TACR2: variants seen among roughly 807,000 people sequenced by gnomAD.
TACR2 encodes the protein tachykinin receptor 2, also known as substance-K receptor.
In TACR2, 24 loss-of-function variants were observed where a neutral mutation model predicts 28.9. That is an observed-to-expected ratio of 0.83 (90% CI 0.60 to 1.17). The LOEUF is 1.17. Ranked by LOEUF, TACR2 falls within the 50% of genes most tolerant of loss-of-function variation. TACR2 has a pLI of 0.00. For synonymous variants in TACR2, 222 were observed against 212.6 expected (o/e 1.04, Z -0.38); for missense variants, 487 against 524.4 (o/e 0.93, Z 0.70).
chr10:69,415,273 T>G, intron 1 of TACR2, 134 bp from the exon 2 acceptor site: 2 of 1,010,412 alleles, frequency 2.0e-6, no homozygotes, highest in Non-Finnish European at 2.8e-6. Context: ...GCTGATATCA[T>G]AGTATCAGCC....
chr10:69,409,010 C>T lies in TACR2; in HGVS notation c.653G>A (p.Ser218Asn). ...LPLAVMFVAY[S>N]VIGLTLWRRA... is the part of the protein sequence containing the mutation. ...CCTCCAGAGCGTGAGGCCGATGACG[C>T]TGTAGGCTACAAACATCACCGCGAG... Residue 218 changes from serine (S) to asparagine (N), a missense_variant, in exon 3 of 5, where the codon AGC becomes AAC. Physicochemically the swap from Ser to Asn is conservative, Grantham distance 46 (BLOSUM62 1). Coordinates refer to ENST00000373306, the MANE Select transcript of TACR2 (RefSeq NM_001057.3). The T allele has an allele frequency of 6.2e-7, 1 of 1,608,116 alleles. No homozygotes were observed.
chr10:69,409,063 C>A lies in TACR2; in HGVS notation c.600G>T (p.Val200=). The change falls in exon 3 of 5, where the codon GTG becomes GTT. Residue 200 remains valine, a synonymous_variant. Coordinates refer to ENST00000373306, the MANE Select transcript of TACR2 (RefSeq NM_001057.3). ...GGKTLLLYHL[V]VIALIYFLPL... ...GCAGGAAGTAGATGAGGGCGATCACCACGAGGTGGTACCTGCAGGGAGAGC... is the reference window on the plus strand; with the variant it reads ...GCAGGAAGTAGATGAGGGCGATCACAACGAGGTGGTACCTGCAGGGAGAGC... 1 of 1,603,734 alleles carries A rather than the reference C, an allele frequency of 6.2e-7. No individual in the cohort carries two copies. The highest frequency in any genetic ancestry group is 8.5e-7 in the Non-Finnish European group (1 of 1,177,036).
intron 3 of TACR2, among the ~76,000 whole-genome samples, chr10:69,407,949 T>G (rs1840518507): frequency 6.6e-6 from 1 of 152,214 alleles, no homozygotes; most frequent in African/African-American, 2.4e-5. Context: ...GGGCACCAGA[T>G]GGCGCCCATG....
At chr10:69,409,890 C>CAT (rs1390944288) in intron 2 of TACR2, among the ~76,000 whole-genome samples, 14,119 of 31,796 alleles carry the variant, frequency 0.44, 1,526 homozygotes, top group Non-Finnish European at 0.49. Flanking sequence ...TACATATATA[C>CAT]ATATATATAT....
chr10:69,412,975 C>A (rs1407531644), intron 2 of TACR2, among the ~76,000 whole-genome samples: 1 of 152,154 alleles, frequency 6.6e-6, no homozygotes, highest in Non-Finnish European at 1.5e-5. Context: ...GGATTACAGG[C>A]ACCCACCATC....
rs1314558216 is a variant in TACR2, at chr10:69,416,039, G to T, written c.285C>A (p.Ser95Arg). 6.2e-7 allele frequency: 1 copy of T among 1,614,246 alleles called. No individual in the cohort carries two copies. Among genetic ancestry groups the T allele is most frequent in the South Asian group, 1.1e-5 (1 of 91,086 alleles). Reference sequence around the variant, plus strand: ...CACGGCCAAAGTACCAGATGTTGTGGCTGGCATAGACAAAGTTGAAGGCGG... The same window carrying T: ...CACGGCCAAAGTACCAGATGTTGTGTCTGGCATAGACAAAGTTGAAGGCGG... The part of the protein sequence containing the change: ...FNAAFNFVYA[S>R]HNIWYFGRAF... Residue 95 changes from serine (S) to arginine (R), a missense_variant, in exon 1 of 5, where the codon AGC becomes AGA. Ser to Arg is a moderately radical substitution (Grantham distance 110). Coordinates refer to ENST00000373306, the MANE Select transcript of TACR2 (RefSeq NM_001057.3).
At chr10:69,410,382 G>A (rs1261152685) in intron 2 of TACR2, among the ~76,000 whole-genome samples, 3 of 151,984 alleles carry the variant, frequency 2.0e-5, no homozygotes, top group South Asian at 2.1e-4. Flanking sequence ...TTAGCCAGGC[G>A]TAATGGGGCA....
chr10:69,407,015 A>T, intron 4 of TACR2, 69 bp downstream of exon 4: 2 of 1,519,290 alleles, frequency 1.3e-6, no homozygotes, highest in African/African-American at 1.4e-5. Context: ...TGAGCTGTGC[A>T]GGGGAGCCCA....
At position 69,416,299 on chromosome 10, in the gene TACR2, C is replaced by T. The variant is rs1254931553; in HGVS notation, c.25G>A (p.Glu9Lys). MGTCDIVT[E>K]ANISSGPESN... Reference sequence around the variant, plus strand: ...TCAGGGCCAGATGAGATATTGGCTTCAGTCACAATGTCACAGGTCCCCATG... The same window carrying T: ...TCAGGGCCAGATGAGATATTGGCTTTAGTCACAATGTCACAGGTCCCCATG... Residue 9 changes from glutamate (E) to lysine (K), a missense_variant, in exon 1 of 5, where the codon GAA (glutamate) becomes AAA (lysine). Coordinates refer to ENST00000373306, the MANE Select transcript of TACR2 (RefSeq NM_001057.3). The T allele has an allele frequency of 3.1e-6, 5 of 1,599,646 alleles. No individual in the cohort carries two copies. In the African/African-American group the frequency reaches 5.4e-5, roughly 17 times the overall value.
rs751148262 is a variant in TACR2 at position 69,415,979 on chromosome 10, T to TGTGATGGGGAAGAG, written c.331_344dup (p.Ala116SerfsTer14). The TGTGATGGGGAAGAG allele has an allele frequency of 1.9e-5, 30 of 1,614,008 alleles. No homozygotes were observed. The highest frequency in any genetic ancestry group is 2.5e-5 in the Non-Finnish European group (30 of 1,180,012). On this transcript the variant is annotated frameshift_variant, in exon 1 of 5. Transcript: ENST00000373306. LOFTEE classifies it high-confidence loss of function. ...TGGAGTAGATGCTGACAAACATGGC[T>TGTGATGGGGAAGAG]GTGATGGGGAAGAGGTTCTGGAAGT...
chr10:69,407,819 G>T (rs1381445882), intron 3 of TACR2, among the ~76,000 whole-genome samples: 1 of 152,148 alleles, frequency 6.6e-6, no homozygotes, highest in Non-Finnish European at 1.5e-5. Context: ...CTCCTGCTCC[G>T]TTTGGCAGCC....
chr10:69,404,900 G>A lies in TACR2; in HGVS notation c.1123C>T (p.Arg375Cys), dbSNP rs191515098. Reference sequence around the variant, plus strand: ...CATAGCCCTGATCCATCCTGGGGACGCCCCGCCTCCCCACTGGTAGCCTCG... The same window carrying A: ...CATAGCCCTGATCCATCCTGGGGACACCCCGCCTCCCCACTGGTAGCCTCG... Reference protein sequence around the residue: ...PSEATSGEAGRPQDGSGLWFG... With the variant: ...PSEATSGEAGCPQDGSGLWFG... The change falls in exon 5 of 5, where the codon CGT (arginine) becomes TGT (cysteine). Residue 375 changes from arginine to cysteine, a missense_variant. Transcript: ENST00000373306. 2.0e-5 allele frequency: 33 copies of A among 1,613,730 alleles called. No individual in the cohort carries two copies. The African/African-American group carries it at 2.3e-4, about 11-fold the overall frequency.
At chr10:69,410,682 C>T (rs1445634512) in intron 2 of TACR2, among the ~76,000 whole-genome samples, 1 of 152,128 alleles carries the variant, frequency 6.6e-6, no homozygotes, top group Non-Finnish European at 1.5e-5. Flanking sequence ...TTGGATGCCA[C>T]TCCCCTGTGT....
At chr10:69,415,699 G>C (rs1024243344) in intron 1 of TACR2, among the ~76,000 whole-genome samples, 3 of 152,222 alleles carry the variant, frequency 2.0e-5, no homozygotes, top group Admixed American at 2.0e-4. Flanking sequence ...TGAACAACCT[G>C]TCTAGTGCAT....
chr10:69,411,211 T>G (rs765972962), intron 2 of TACR2, among the ~76,000 whole-genome samples: 1 of 152,156 alleles, frequency 6.6e-6, no homozygotes, highest in Non-Finnish European at 1.5e-5. Flanking sequence ...TTTCTAGAGG[T>G]GCTGCTACCC....
chr10:69,412,066 T>C (rs1840573472), intron 2 of TACR2, among the ~76,000 whole-genome samples: 1 of 152,174 alleles, frequency 6.6e-6, no homozygotes. Context: ...TCCTGACCAC[T>C]GCCTTGGCCT....
intron 2 of TACR2, among the ~76,000 whole-genome samples, chr10:69,412,307 T>A (rs1185784310): frequency 1.3e-5 from 2 of 152,160 alleles, no homozygotes; most frequent in South Asian, 4.1e-4. Context: ...AGAATTCTGC[T>A]TGGGTTCTTT....
At chr10:69,414,040 G>A (rs1840590451) in intron 2 of TACR2, among the ~76,000 whole-genome samples, 1 of 152,196 alleles carries the variant, frequency 6.6e-6, no homozygotes, top group Non-Finnish European at 1.5e-5. Context: ...GCCTGACTGA[G>A]CCCAGAACCC....
intron 2 of TACR2, among the ~76,000 whole-genome samples, chr10:69,410,606 C>T (rs1407158285): frequency 6.6e-6 from 1 of 151,712 alleles, no homozygotes; most frequent in Non-Finnish European, 1.5e-5. Context: ...TGATGAGCTG[C>T]AGGCTGGGGA....
Sources: allele counts gnomAD v4.1 joint callset (sites outside exome capture counted in the v4.1 genomes callset), GRCh38; gene constraint gnomAD v4.1.1; transcripts MANE v1.5; gene names NCBI Gene and HGNC (gene_info 2026-07-23, HGNC 2026-07-21).